ADAMTSL3: variants seen among roughly 807,000 people sequenced by gnomAD.
ADAMTSL3 encodes ADAMTS-like protein 3.
Under a neutral mutation model 201.7 loss-of-function variants are expected in ADAMTSL3, and 128 were observed. The observed-to-expected ratio is 0.63, with a 90% confidence interval of 0.55 to 0.73. ADAMTSL3 has a LOEUF of 0.73. Among genes scored for constraint, ADAMTSL3 ranks in the 30% least tolerant of loss-of-function variants. The pLI, the probability that ADAMTSL3 is intolerant of heterozygous loss-of-function variation, is 0.00. For missense variants in ADAMTSL3, 1,990 were observed against 2,119.6 expected (o/e 0.94, Z 1.20); for synonymous variants, 738 against 748.4 (o/e 0.99, Z 0.23).
At chr15:83,709,274 C>T (rs2061899237) in intron 3 of ADAMTSL3, among the ~76,000 whole-genome samples, 1 of 152,142 alleles carries the variant, frequency 6.6e-6, no homozygotes, top group Admixed American at 6.6e-5. Flanking sequence ...ATTAAAATGG[C>T]ACTGACTTTC....
intron 23 of ADAMTSL3, among the ~76,000 whole-genome samples, chr15:84,004,641 T>C (rs984717389): frequency 6.6e-6 from 1 of 152,056 alleles, no homozygotes; most frequent in East Asian, 1.9e-4. Flanking sequence ...GGGGGCTAAA[T>C]GGTAGAACCC....
chr15:83,969,350 A>G (rs1297710632), intron 19 of ADAMTSL3, among the ~76,000 whole-genome samples: 1 of 152,172 alleles, frequency 6.6e-6, no homozygotes, highest in Non-Finnish European at 1.5e-5. Context: ...AGGCTGAGGC[A>G]GGAGAATCGC....
intron 20 of ADAMTSL3, among the ~76,000 whole-genome samples, chr15:83,980,425 C>G (rs1427232567): frequency 6.6e-6 from 1 of 152,040 alleles, no homozygotes; most frequent in Non-Finnish European, 1.5e-5. Flanking sequence ...ATAAATTTAC[C>G]AGGGAGTCTT....
At chr15:83,761,497 G>C (rs1416586338) in intron 3 of ADAMTSL3, among the ~76,000 whole-genome samples, 7 of 151,912 alleles carry the variant, frequency 4.6e-5, no homozygotes, top group Non-Finnish European at 8.8e-5. Flanking sequence ...ATTCTCTTTT[G>C]TCTGACAATC....
rs975005731 is a variant in ADAMTSL3, at chr15:83,881,391, T to A, written c.961-3710T>A. On this transcript the variant is annotated intron_variant, in intron 9 of 29. Coordinates refer to ENST00000286744, the MANE Select transcript of ADAMTSL3 (RefSeq NM_207517.3). ...AGGCTGATGACAGATCTGTCCAGTT[T>A]CTCAGCTGCTCAGCCACCACTTGCA... 5.3e-5 allele frequency among the ~76,000 whole-genome samples: 8 copies of A among 152,310 alleles called. No individual in the cohort carries two copies. The South Asian group carries it at 1.7e-3, about 32-fold the overall frequency.
chr15:83,763,827 G>T (rs897000743), intron 3 of ADAMTSL3, among the ~76,000 whole-genome samples: 3 of 152,200 alleles, frequency 2.0e-5, no homozygotes, highest in Non-Finnish European at 2.9e-5. Context: ...CTTTTTAGGG[G>T]CTCGTTTGGC....
intron 2 of ADAMTSL3, among the ~76,000 whole-genome samples, chr15:83,681,496 G>T (rs1596018040): frequency 6.6e-6 from 1 of 152,192 alleles, no homozygotes; most frequent in African/African-American, 2.4e-5. Context: ...GTTTGCTTTT[G>T]TGCCCTAGAA....
At chr15:83,913,575 G>T (rs2065975090) in intron 16 of ADAMTSL3, among the ~76,000 whole-genome samples, 197 bp downstream of exon 16, 1 of 151,618 alleles carries the variant, frequency 6.6e-6, no homozygotes, top group African/African-American at 2.4e-5. Context: ...AGGAGAGTGG[G>T]ACTATATACT....
chr15:83,845,617 G>A lies in ADAMTSL3; in HGVS notation c.727+7402G>A, dbSNP rs535090683. Among the ~76,000 whole-genome samples, 23 of 152,186 alleles carry A rather than the reference G, an allele frequency of 1.5e-4. 1 individual carries two copies. Among genetic ancestry groups the A allele is most frequent in the African/African-American group, 5.5e-4 (23 of 41,528 alleles). On this transcript the variant is annotated intron_variant, in intron 7 of 29. Coordinates refer to ENST00000286744, the MANE Select transcript of ADAMTSL3 (RefSeq NM_207517.3). ...CTAGCTCTGAAAATCTATTAAGTGT[G>A]TGTAATTTGTTCATTGTTAAAAAAA...
At chr15:83,907,576 G>A (rs2065864239) in intron 15 of ADAMTSL3, among the ~76,000 whole-genome samples, 1 of 151,754 alleles carries the variant, frequency 6.6e-6, no homozygotes, top group South Asian at 2.1e-4. Flanking sequence ...ATTTTTTTTT[G>A]TATTTTTAGT....
At chr15:83,751,742 G>A (rs576088434) in intron 3 of ADAMTSL3, among the ~76,000 whole-genome samples, 3 of 152,172 alleles carry the variant, frequency 2.0e-5, no homozygotes, top group Non-Finnish European at 4.4e-5. Flanking sequence ...TCTTTATGGA[G>A]TTACTTTCAT....
intron 23 of ADAMTSL3, among the ~76,000 whole-genome samples, chr15:84,002,936 CT>C (rs368176543): frequency 4.0e-3 from 395 of 99,980 alleles, no homozygotes; most frequent in Non-Finnish European, 5.5e-3. Flanking sequence ...CTTTTCTTTT[CT>C]TTTTTTTTTT....
chr15:83,858,902 C>CA (rs1162105539), intron 8 of ADAMTSL3, 62 bp downstream of exon 8: 2 of 1,364,058 alleles, frequency 1.5e-6, no homozygotes, highest in South Asian at 1.3e-5. Context: ...CCAAAAAAAA[C>CA]AAAAAACAAA....
intron 4 of ADAMTSL3, among the ~76,000 whole-genome samples, chr15:83,797,265 G>A (rs2063441490): frequency 6.6e-6 from 1 of 152,102 alleles, no homozygotes; most frequent in African/African-American, 2.4e-5. Context: ...AGGTGAATCT[G>A]CATAGTAAAA....
At chr15:84,017,385 G>C (rs2068107079) in intron 25 of ADAMTSL3, among the ~76,000 whole-genome samples, 1 of 152,192 alleles carries the variant, frequency 6.6e-6, no homozygotes, top group East Asian at 1.9e-4. Flanking sequence ...CCAAAGTGCT[G>C]AGATTACAGG....
intron 6 of ADAMTSL3, among the ~76,000 whole-genome samples, chr15:83,836,741 G>C (rs1180698263): frequency 6.6e-6 from 1 of 152,130 alleles, no homozygotes; most frequent in Non-Finnish European, 1.5e-5. Context: ...CCTATGTGAA[G>C]TATATATTGG....
intron 7 of ADAMTSL3, among the ~76,000 whole-genome samples, chr15:83,843,923 C>T (rs977728474): frequency 5.9e-5 from 9 of 152,208 alleles, no homozygotes; most frequent in African/African-American, 1.9e-4. Flanking sequence ...TGACAACCAA[C>T]ATAAACAGCT....
chr15:83,865,853 C>T (rs1299177374), intron 8 of ADAMTSL3, among the ~76,000 whole-genome samples: 5 of 152,086 alleles, frequency 3.3e-5, no homozygotes, highest in Admixed American at 6.5e-5. Context: ...AAAATTTTTG[C>T]AATCTACTCA....
intron 2 of ADAMTSL3, among the ~76,000 whole-genome samples, chr15:83,692,836 G>A (rs2061631457): frequency 1.3e-5 from 2 of 152,032 alleles, no homozygotes; most frequent in Admixed American, 1.3e-4. Context: ...AACGTTTTTC[G>A]GAGTATGTGC....
Sources: allele counts gnomAD v4.1 joint callset (sites outside exome capture counted in the v4.1 genomes callset), GRCh38; gene constraint gnomAD v4.1.1; transcripts MANE v1.5; gene names NCBI Gene and HGNC (gene_info 2026-07-23, HGNC 2026-07-21).